PTGFRN: variants seen among roughly 807,000 people sequenced by gnomAD.
PTGFRN encodes prostaglandin F2 receptor negative regulator.
Under a neutral mutation model 83.2 loss-of-function variants are expected in PTGFRN, and 35 were observed. The ratio of observed to expected loss-of-function variants is 0.42; its 90% CI spans 0.32 to 0.56. The LOEUF is 0.56. PTGFRN is among the 20% of genes least tolerant of loss of function. The pLI is 0.11. For synonymous variants in PTGFRN, 519 were observed against 498.6 expected, an observed-to-expected ratio of 1.04 and a Z score of -0.55; for missense variants, 1,051 against 1,179.5, an observed-to-expected ratio of 0.89 and a Z score of 1.60.
intron 3 of PTGFRN, among the ~76,000 whole-genome samples, chr1:116,945,637 T>C (rs1650180766): frequency 6.6e-6 from 1 of 151,900 alleles, no homozygotes; most frequent in African/African-American, 2.4e-5. Context: ...GGGGAGGAGC[T>C]CTCTAGGGCA....
Position 116,944,880 on chromosome 1 carries a change from C to A in PTGFRN, c.620C>A (p.Pro207Gln). The A allele has an allele frequency of 6.2e-7, 1 of 1,608,828 alleles. No homozygotes were observed. The highest frequency in any genetic ancestry group is 8.5e-7 in the Non-Finnish European group (1 of 1,178,554). ...LALTHEGRFH[P>Q]GLGYEQRYHS... ...CTGACCCACGAGGGCAGGTTCCACCCGGGCCTGGGGTACGAGCAGCGCTAC... is the reference window on the plus strand; with the variant it reads ...CTGACCCACGAGGGCAGGTTCCACCAGGGCCTGGGGTACGAGCAGCGCTAC... The change falls in exon 3 of 9, where the codon CCG (proline) becomes CAG (glutamine). Residue 207 changes from proline to glutamine, a missense_variant. Coordinates refer to ENST00000393203, the MANE Select transcript of PTGFRN (RefSeq NM_020440.4).
At position 116,989,900 on chromosome 1, in the gene PTGFRN, C is replaced by T. The variant is rs938297712; in HGVS notation, c.*2933C>T. 2 of 152,642 alleles carry T rather than the reference C, an allele frequency of 1.3e-5. No individual in the cohort carries two copies. Among genetic ancestry groups the T allele is most frequent in the East Asian group, 1.9e-4 (1 of 5,196 alleles). The allele number at this position is 152,642 out of a possible 1,614,324, so 9.5% of individuals were successfully genotyped here. On this transcript the variant is annotated 3_prime_UTR_variant, in exon 9 of 9. Coordinates refer to ENST00000393203, the MANE Select transcript of PTGFRN (RefSeq NM_020440.4). ...AGGAGGCCCCTCCTGCCCAGACCTT[C>T]GTTTGTTTCCCCGGTGGCCCTTGCT...
chr1:116,941,953 G>T lies in PTGFRN; in HGVS notation c.288G>T (p.Arg96=). The T allele has an allele frequency of 5.6e-6, 9 of 1,614,184 alleles. No individual in the cohort carries two copies. Among genetic ancestry groups the T allele is most frequent in the Non-Finnish European group, 5.9e-6 (7 of 1,180,032 alleles). The part of the protein sequence containing the change: ...RLQRGEILLR[R]TANDAVELHI... ...AGAGGGGCGAGATCCTGTTAAGGCG[G>T]ACTGCCAACGACGCCGTGGAGCTCC... Residue 96 remains arginine (R), a synonymous_variant, in exon 2 of 9, where the codon CGG becomes CGT. Coordinates refer to ENST00000393203, the MANE Select transcript of PTGFRN (RefSeq NM_020440.4). This position sits in a 1 kb window ranked among gnomAD's most constrained non-coding sequence, Gnocchi z 5.0.
At chr1:116,933,770 T>C (rs1211125248) in intron 1 of PTGFRN, among the ~76,000 whole-genome samples, 3 of 152,236 alleles carry the variant, frequency 2.0e-5, no homozygotes, top group Non-Finnish European at 2.9e-5. Context: ...GGTCTTCTCA[T>C]GAGCATCATT....
intron 6 of PTGFRN, among the ~76,000 whole-genome samples, chr1:116,970,501 T>C (rs945636379): frequency 3.3e-5 from 5 of 152,190 alleles, no homozygotes; most frequent in Non-Finnish European, 7.3e-5. Flanking sequence ...TAAACTCTTA[T>C]ATGGAAAAGG....
At chr1:116,911,006 T>C (rs183464143) in intron 1 of PTGFRN, among the ~76,000 whole-genome samples, 24 of 152,052 alleles carry the variant, frequency 1.6e-4, no homozygotes, top group Non-Finnish European at 1.3e-4. Flanking sequence ...CCCCGTGAGG[T>C]TTTGGCCCAG....
Position 116,961,670 on chromosome 1 carries a change from TA to T in PTGFRN, c.1639+3del. On this transcript the variant is annotated splice_donor_region_variant and intron_variant, in intron 5 of 8. Coordinates refer to ENST00000393203, the MANE Select transcript of PTGFRN (RefSeq NM_020440.4). The surrounding 1 kb of genome is among the most constrained non-coding windows in gnomAD (Gnocchi z 5.4). Reference sequence around the variant, plus strand: ...TTAACATATTTTGGGCATTAGAAGGTAGGAACTTTTTTCTTGTTATTCATTT... The same window carrying T: ...TTAACATATTTTGGGCATTAGAAGGTGGAACTTTTTTCTTGTTATTCATTT... 6.3e-7 allele frequency: 1 copy of T among 1,595,030 alleles called. No homozygotes were observed. The highest frequency in any genetic ancestry group is 8.5e-7 in the Non-Finnish European group (1 of 1,170,632).
rs923821159 is a variant in PTGFRN at position 116,918,634 on chromosome 1, G to C, written c.49+8382G>C. On this transcript the variant is annotated intron_variant, in intron 1 of 8. Coordinates refer to ENST00000393203, the MANE Select transcript of PTGFRN (RefSeq NM_020440.4). The surrounding 1 kb of genome is among the most constrained non-coding windows in gnomAD (Gnocchi z 4.1). ...TCAGTGGGACTGAGGCAAAGCCATG[G>C]TCAGAGTCTGAGCTGGAGGAGAGTG... is the stretch of plus-strand genomic sequence containing the variant. 6.6e-6 allele frequency among the ~76,000 whole-genome samples: 1 copy of C among 152,228 alleles called. No homozygotes were observed. The highest frequency in any genetic ancestry group is 2.4e-5 in the African/African-American group (1 of 41,456).
rs576124117 is a variant in PTGFRN, at chr1:116,952,282, T to C, written c.1213+2710T>C. Among the ~76,000 whole-genome samples, 4 of 152,082 alleles carry C rather than the reference T, an allele frequency of 2.6e-5. No individual in the cohort carries two copies. The highest frequency in any genetic ancestry group is 9.6e-5 in the African/African-American group (4 of 41,486). On this transcript the variant is annotated intron_variant, in intron 4 of 8. Coordinates refer to ENST00000393203, the MANE Select transcript of PTGFRN (RefSeq NM_020440.4). The surrounding 1 kb of genome is among the most constrained non-coding windows in gnomAD (Gnocchi z 4.0). Reference sequence around the variant, plus strand: ...CTTGGGGCTTGTGTACTGAGCTAGGTGAGGGGATTGAAGCTGATTGGGGTC... The same window carrying C: ...CTTGGGGCTTGTGTACTGAGCTAGGCGAGGGGATTGAAGCTGATTGGGGTC...
In PTGFRN at chr1:116,957,355, G is replaced by A. The variant is rs190194696; in HGVS notation, c.1214-3888G>A. 9.9e-5 allele frequency among the ~76,000 whole-genome samples: 15 copies of A among 152,124 alleles called. No individual in the cohort carries two copies. The East Asian group carries it at 2.9e-3, about 29-fold the overall frequency. On this transcript the variant is annotated intron_variant, in intron 4 of 8. Transcript: ENST00000393203. ...CATGTCTGGGGGAGTGAGCTTTGGG[G>A]TGTGAGCAGGCCAGGGAGTGGGAGG...
chr1:116,952,120 G>A lies in PTGFRN; in HGVS notation c.1213+2548G>A, dbSNP rs1252318608. The stretch of plus-strand genomic sequence containing the variant: ...AATTACCATTTATTGAGCATCTACT[G>A]TGTGCCAGGCACTGGACTAAGGACC... On this transcript the variant is annotated intron_variant, in intron 4 of 8. Coordinates refer to ENST00000393203, the MANE Select transcript of PTGFRN (RefSeq NM_020440.4). This position sits in a 1 kb window ranked among gnomAD's most constrained non-coding sequence, Gnocchi z 4.0. Among the ~76,000 whole-genome samples the A allele has an allele frequency of 1.3e-5, 2 of 152,190 alleles. No homozygotes were observed. Among genetic ancestry groups the A allele is most frequent in the African/African-American group, 4.8e-5 (2 of 41,440 alleles).
chr1:116,969,884 G>A (rs1650943158), intron 6 of PTGFRN, among the ~76,000 whole-genome samples: 1 of 151,656 alleles, frequency 6.6e-6, no homozygotes, highest in South Asian at 2.1e-4. Flanking sequence ...TTTACTTTTT[G>A]GCTTGTTTAT....
intron 1 of PTGFRN, among the ~76,000 whole-genome samples, chr1:116,924,014 CTG>C (rs1307089297): frequency 2.0e-5 from 3 of 152,012 alleles, no homozygotes; most frequent in African/African-American, 7.2e-5. Context: ...GGGAAACAAA[CTG>C]AACATTAAAG....
chr1:116,980,760 C>T lies in PTGFRN; in HGVS notation c.2168-3920C>T, dbSNP rs557222398. ...TAGGAGATATACCTAATGTAAATGA[C>T]GAGTTAATGGGTGCAGCACACCAAC... is the stretch of plus-strand genomic sequence containing the variant. On this transcript the variant is annotated intron_variant, in intron 7 of 8. Transcript: ENST00000393203. Among the ~76,000 whole-genome samples the T allele has an allele frequency of 2.2e-4, 34 of 152,154 alleles. No individual in the cohort carries two copies. The East Asian group carries it at 5.8e-3, about 26-fold the overall frequency.
intron 7 of PTGFRN, among the ~76,000 whole-genome samples, chr1:116,976,404 T>TC (rs1651155840): frequency 6.6e-6 from 1 of 152,090 alleles, no homozygotes; most frequent in African/African-American, 2.4e-5. Context: ...GAAGAGGAAC[T>TC]CCAAGACACA....
chr1:116,936,091 CCT>C (rs1649916097), intron 1 of PTGFRN, among the ~76,000 whole-genome samples: 1 of 152,136 alleles, frequency 6.6e-6, no homozygotes, highest in Admixed American at 6.5e-5. Context: ...ACTTTCTTTT[CCT>C]CTTTTTCCCT....
At chr1:116,967,952 C>G (rs1650886504) in intron 6 of PTGFRN, among the ~76,000 whole-genome samples, 1 of 152,114 alleles carries the variant, frequency 6.6e-6, no homozygotes, top group African/African-American at 2.4e-5. Flanking sequence ...AGAAAATGAG[C>G]TGAAGCTCAG....
At chr1:116,965,378 C>T (rs952016921) in intron 5 of PTGFRN, among the ~76,000 whole-genome samples, 11 of 152,208 alleles carry the variant, frequency 7.2e-5, no homozygotes, top group South Asian at 2.1e-4. Context: ...AACTCGTTGT[C>T]GCCTCAAACT....
At chr1:116,927,523 A>ACCTTTTTT (rs1649685340) in intron 1 of PTGFRN, among the ~76,000 whole-genome samples, 1 of 114,492 alleles carries the variant, frequency 8.7e-6, no homozygotes, top group South Asian at 2.3e-4. Flanking sequence ...TGCCTTGCTT[A>ACCTTTTTT]CCTTTTTTTT....
Sources: allele counts gnomAD v4.1 joint callset (sites outside exome capture counted in the v4.1 genomes callset), GRCh38; gene constraint gnomAD v4.1.1; non-coding constraint Gnocchi (gnomAD v3.1); transcripts MANE v1.5; gene names NCBI Gene and HGNC (gene_info 2026-07-23, HGNC 2026-07-21).